Variants in ATF7IP2 observed in about 807,000 individuals in gnomAD.
ATF7IP2 encodes the protein activating transcription factor 7-interacting protein 2.
In ATF7IP2, 42 loss-of-function variants were observed where a neutral mutation model predicts 64.2. That is an observed-to-expected ratio of 0.65 (90% CI 0.51 to 0.85). The LOEUF (loss-of-function observed/expected upper bound fraction) is 0.85, where lower values mean the gene tolerates loss of function less well. Among genes scored for constraint, ATF7IP2 ranks in the 40% least tolerant of loss-of-function variants. The pLI, the probability that ATF7IP2 is intolerant of heterozygous loss-of-function variation, is 0.00. For synonymous variants in ATF7IP2, 308 were observed against 272.8 expected (o/e 1.13, Z -1.27); for missense variants, 933 against 784.2 (o/e 1.19, Z -2.27).
intron 7 of ATF7IP2, 53 bp downstream of exon 7, chr16:10,438,288 C>T: frequency 1.3e-6 from 2 of 1,535,490 alleles, no homozygotes; most frequent in Non-Finnish European, 8.7e-7. Context: ...GGTGTTGTTG[C>T]TCTGTTGCTC....
chr16:10,451,373 T>C (rs963143611), intron 8 of ATF7IP2, among the ~76,000 whole-genome samples: 3 of 152,186 alleles, frequency 2.0e-5, no homozygotes, highest in African/African-American at 7.2e-5. Flanking sequence ...TCTTGCTAGG[T>C]TGGGGAAGTT....
At chr16:10,411,898 CTTAT>C (rs2047767764) in intron 1 of ATF7IP2, among the ~76,000 whole-genome samples, 1 of 129,376 alleles carries the variant, frequency 7.7e-6, no homozygotes, top group Non-Finnish European at 1.6e-5. Flanking sequence ...TCTAGTTGAG[CTTAT>C]TTGTTTTTTT....
In ATF7IP2 at chr16:10,440,349, C is replaced by T. The variant is rs780715236; in HGVS notation, c.1096-15C>T. On this transcript the variant is annotated splice_polypyrimidine_tract_variant and intron_variant, in intron 7 of 13. Transcript: ENST00000562102. ...ACTCTGGCTTAGTATTTATTTTTTT[C>T]TCTTTTTCTTCTAGGCAAAAATAGC... The T allele has an allele frequency of 2.2e-6, 3 of 1,355,566 alleles. No homozygotes were observed. The highest frequency in any genetic ancestry group is 1.5e-5 in the African/African-American group (1 of 67,374). 84.0% of individuals were successfully genotyped at this position (1,355,566 alleles called of 1,614,324 possible).
intron 1 of ATF7IP2, among the ~76,000 whole-genome samples, chr16:10,389,380 C>G (rs2047274693): frequency 6.6e-6 from 1 of 152,166 alleles, no homozygotes; most frequent in South Asian, 2.1e-4. Context: ...GACCACAGTG[C>G]TTTTCACATC....
Position 10,464,211 on chromosome 16 carries a change from C to T in ATF7IP2, c.1352+6682C>T, listed in dbSNP as rs182727651. Among the ~76,000 whole-genome samples, 36 of 152,266 alleles carry T rather than the reference C, an allele frequency of 2.4e-4. No homozygotes were observed. In the East Asian group the frequency reaches 3.1e-3, roughly 13 times the overall value. ...AGTGTGGGGCTCCATCATGGCTGTT[C>T]TACCTGTCCTTCATGTACTTTTGTA... On this transcript the variant is annotated intron_variant, in intron 9 of 13. Transcript: ENST00000562102.
chr16:10,449,726 A>G (rs1363696928), intron 8 of ATF7IP2: 1 of 151,812 alleles, frequency 6.6e-6, no homozygotes, highest in African/African-American at 2.4e-5. Flanking sequence ...CTAGCGGTCT[A>G]TTTTGTTGGA....
chr16:10,404,080 C>G (rs998068236), intron 1 of ATF7IP2, among the ~76,000 whole-genome samples: 20 of 152,120 alleles, frequency 1.3e-4, no homozygotes, highest in African/African-American at 4.6e-4. Context: ...ATACAGGAAG[C>G]CTAATGATTC....
intron 13 of ATF7IP2, among the ~76,000 whole-genome samples, chr16:10,481,195 C>A (rs901135666): frequency 6.6e-6 from 1 of 152,130 alleles, no homozygotes; most frequent in Non-Finnish European, 1.5e-5. Flanking sequence ...GAAGCAATAG[C>A]CATTGTTGAT....
chr16:10,418,782 A>C (rs994649655), intron 2 of ATF7IP2, among the ~76,000 whole-genome samples: 3 of 152,168 alleles, frequency 2.0e-5, no homozygotes, highest in African/African-American at 7.2e-5. Context: ...AGAGCCGTTA[A>C]TAGTTTCCAC....
In ATF7IP2 at chr16:10,481,990, A is replaced by C; in HGVS notation, c.1790A>C (p.Asn597Thr). 6.2e-7 allele frequency: 1 copy of C among 1,614,148 alleles called. No individual in the cohort carries two copies. The stretch of plus-strand genomic sequence containing the variant: ...CCCAATGGCATTGCCCTGACTTGGA[A>C]TATAACCAAAATCAATCCCAAGTGT... ...FRPNGIALTW[N>T]ITKINPKCAP... The change falls in exon 14 of 14, where the codon AAT (asparagine) becomes ACT (threonine). Residue 597 changes from asparagine to threonine, a missense_variant. Asn to Thr is a moderately conservative substitution (Grantham distance 65, BLOSUM62 0). Transcript: ENST00000562102.
chr16:10,434,908 G>A (rs1256740269), intron 6 of ATF7IP2, among the ~76,000 whole-genome samples: 1 of 152,112 alleles, frequency 6.6e-6, no homozygotes, highest in Non-Finnish European at 1.5e-5. Context: ...TGGGACTACA[G>A]GTGTGCACTA....
At chr16:10,475,472 A>G (rs2049968187) in intron 12 of ATF7IP2, among the ~76,000 whole-genome samples, 2 of 152,156 alleles carry the variant, frequency 1.3e-5, no homozygotes, top group Admixed American at 6.5e-5. Context: ...CGGGCAGATC[A>G]TGAGGTCAGG....
At chr16:10,433,358 G>A (rs2048319264) in intron 5 of ATF7IP2, among the ~76,000 whole-genome samples, 167 bp from the exon 6 acceptor site, 1 of 151,892 alleles carries the variant, frequency 6.6e-6, no homozygotes, top group South Asian at 2.1e-4. Flanking sequence ...AATTTTTTGT[G>A]GAGATGAATT....
At chr16:10,410,823 A>C (rs770448333) in intron 1 of ATF7IP2, among the ~76,000 whole-genome samples, 1 of 152,062 alleles carries the variant, frequency 6.6e-6, no homozygotes, top group African/African-American at 2.4e-5. Flanking sequence ...ACTTTTCCCC[A>C]TTTAGTATTA....
At chr16:10,466,231 A>G (rs1264730706) in intron 9 of ATF7IP2, among the ~76,000 whole-genome samples, 1 of 152,224 alleles carries the variant, frequency 6.6e-6, no homozygotes, top group African/African-American at 2.4e-5. Flanking sequence ...TGCCACAATT[A>G]TATCTATCAT....
At chr16:10,427,535 C>G (rs1295271890) in intron 3 of ATF7IP2, among the ~76,000 whole-genome samples, 1 of 151,944 alleles carries the variant, frequency 6.6e-6, no homozygotes, top group Non-Finnish European at 1.5e-5. Flanking sequence ...ACACATAAGC[C>G]CCTTGAGACA....
At chr16:10,395,296 C>G (rs2047400898) in intron 1 of ATF7IP2, among the ~76,000 whole-genome samples, 1 of 152,028 alleles carries the variant, frequency 6.6e-6, no homozygotes, top group Admixed American at 6.6e-5. Flanking sequence ...TCTGAACAAA[C>G]ATAAACAAAG....
chr16:10,395,200 A>C (rs976175971), intron 1 of ATF7IP2, among the ~76,000 whole-genome samples: 3 of 152,134 alleles, frequency 2.0e-5, no homozygotes, highest in South Asian at 2.1e-4. Context: ...AATAATTCCA[A>C]TTGTATGGTA....
At chr16:10,449,036 G>C (rs1596544622) in intron 8 of ATF7IP2, 1 of 152,094 alleles carries the variant, frequency 6.6e-6, no homozygotes, top group Non-Finnish European at 1.5e-5. Flanking sequence ...GTTGAATTTT[G>C]TCAAAGGCCT....
Sources: gnomAD v4.1 joint callset for allele counts (sites outside exome capture counted in the v4.1 genomes callset) on GRCh38, gnomAD v4.1.1 for gene constraint, MANE v1.5 for transcripts, NCBI Gene and HGNC (gene_info 2026-07-23, HGNC 2026-07-21) for gene names.